MAGT1: variants seen among roughly 807,000 people sequenced by gnomAD.
MAGT1 encodes the protein magnesium transporter 1.
A neutral mutation model predicts 28.4 loss-of-function variants in MAGT1; 4 were observed. That is an observed-to-expected ratio of 0.14 (90% CI 0.07 to 0.32). MAGT1 has a LOEUF of 0.32. MAGT1 is among the 10% of genes least tolerant of loss of function. MAGT1 has a pLI of 1.00. For missense variants in MAGT1, 193 were observed against 264.5 expected, an observed-to-expected ratio of 0.73 and a Z score of 1.88; for synonymous variants, 89 against 89.7, an observed-to-expected ratio of 0.99 and a Z score of 0.04.
chrX:77,866,158 A>G (rs1232473937), intron 3 of MAGT1, among the ~76,000 whole-genome samples: 1 of 65,485 alleles, frequency 1.5e-5, no homozygotes, highest in Non-Finnish European at 4.1e-5. Context: ...CAATTAAAAA[A>G]AAAAAAAGAG....
In MAGT1 at chrX:77,826,167, G is replaced by A. The variant is rs1557212900; in HGVS notation, c.*3053C>T. Among the ~76,000 whole-genome samples, 2 of 111,597 alleles carry A rather than the reference G, an allele frequency of 1.8e-5. No individual in the cohort carries two copies. Among genetic ancestry groups the A allele is most frequent in the Non-Finnish European group, 3.8e-5 (2 of 53,059 alleles). The stretch of plus-strand genomic sequence containing the variant: ...AATGGGTAACAACATTAAGAATGAG[G>A]GACCATGTATAGATTCCTAGAATAA... On this transcript the variant is annotated 3_prime_UTR_variant, in exon 10 of 10. Coordinates refer to ENST00000618282, the MANE Select transcript of MAGT1 (RefSeq NM_001367916.1).
intron 7 of MAGT1, among the ~76,000 whole-genome samples, chrX:77,845,961 C>T (rs1482900929): frequency 9.1e-6 from 1 of 110,328 alleles, no homozygotes; most frequent in Non-Finnish European, 1.9e-5. Flanking sequence ...CTCTGTATCT[C>T]CTGAATTTGA....
At chrX:77,839,217 TG>T (rs1428945972) in intron 8 of MAGT1, among the ~76,000 whole-genome samples, 1 of 106,163 alleles carries the variant, frequency 9.4e-6, no homozygotes, top group African/African-American at 3.4e-5. Context: ...GGCAGGAGAA[TG>T]GGGTGAACCT....
At chrX:77,884,496 CT>C (rs2077061808) in intron 1 of MAGT1, among the ~76,000 whole-genome samples, 1 of 111,076 alleles carries the variant, frequency 9.0e-6, no homozygotes, top group Non-Finnish European at 1.9e-5. Context: ...GGTTAAACAA[CT>C]TGCCCAAAAT....
At chrX:77,895,546 G>C (rs2077097295), upstream of MAGT1, 7 of 1,088,992 alleles carry the variant, frequency 6.4e-6, no homozygotes, top group Non-Finnish European at 8.6e-6. Flanking sequence ...CTCACATTAC[G>C]TCACAGCGCG....
intron 1 of MAGT1, among the ~76,000 whole-genome samples, chrX:77,892,388 CAG>C (rs371552902): frequency 1.6e-3 from 182 of 112,015 alleles, no homozygotes; most frequent in African/African-American, 5.6e-3. Context: ...AAACCATTCT[CAG>C]AGAGGGAAGG....
At chrX:77,892,811 T>A (rs1178103794) in intron 1 of MAGT1, among the ~76,000 whole-genome samples, 4 of 111,247 alleles carry the variant, frequency 3.6e-5, no homozygotes, top group East Asian at 5.6e-4. Context: ...AAAATTTTTT[T>A]AAATATATAT....
intron 1 of MAGT1, among the ~76,000 whole-genome samples, chrX:77,895,041 A>G (rs2077094536): frequency 9.0e-6 from 1 of 111,152 alleles, no homozygotes; most frequent in Admixed American, 9.6e-5. Flanking sequence ...GCCCACACTC[A>G]AAAGTGTCAA....
chrX:77,847,922 C>T (rs1261568764), intron 7 of MAGT1, among the ~76,000 whole-genome samples: 1 of 111,420 alleles, frequency 9.0e-6, no homozygotes, highest in East Asian at 2.8e-4. Flanking sequence ...AAAGATTGAT[C>T]ATTTCTACAG....
chrX:77,847,194 C>T (rs2076954179), intron 7 of MAGT1, among the ~76,000 whole-genome samples: 1 of 112,407 alleles, frequency 8.9e-6, no homozygotes. Context: ...GCTGTGCTAG[C>T]AATGAGCGAG....
At chrX:77,832,098 A>G (rs2076900219) in intron 8 of MAGT1, among the ~76,000 whole-genome samples, 1 of 111,990 alleles carries the variant, frequency 8.9e-6, no homozygotes, top group South Asian at 3.7e-4. Context: ...CTAGCCCTAG[A>G]TTCATAGCTC....
rs1316102096 is a variant in MAGT1, at chrX:77,891,166, C to A, written c.102+4143G>T. On this transcript the variant is annotated intron_variant, in intron 1 of 9. Coordinates refer to ENST00000618282, the MANE Select transcript of MAGT1 (RefSeq NM_001367916.1). ...GAAAGGATTCACCATAAAATAAAAC[C>A]AGTCGCTGCAAAAACAAGCCTTTGT... Among the ~76,000 whole-genome samples, 7 of 110,916 alleles carry A rather than the reference C, an allele frequency of 6.3e-5. No individual in the cohort carries two copies. The Admixed American group carries it at 6.8e-4, about 11-fold the overall frequency.
chrX:77,844,322 A>G lies in MAGT1; in HGVS notation c.827-3002T>C, dbSNP rs1324321469. ...CCCTTTATCATTTTTTATTGCATCT[A>G]TTTGATTCTTCTCTCTTTTCTTCTT... On this transcript the variant is annotated intron_variant, in intron 7 of 9. Coordinates refer to ENST00000618282, the MANE Select transcript of MAGT1 (RefSeq NM_001367916.1). Among the ~76,000 whole-genome samples, 3 of 111,154 alleles carry G rather than the reference A, an allele frequency of 2.7e-5. No individual in the cohort carries two copies. In the East Asian group the frequency reaches 8.5e-4, roughly 31 times the overall value.
At position 77,834,256 on chromosome X, in the gene MAGT1, A is replaced by ATG. The variant is rs1557213663; in HGVS notation, c.902-3363_902-3362dup. On this transcript the variant is annotated intron_variant, in intron 8 of 9. Transcript: ENST00000618282. ...TATGTATATATATGCATATATATAC[A>ATG]TGTGTGTATATATGCATATATGTAT... is the stretch of plus-strand genomic sequence containing the variant. 8.8e-4 allele frequency among the ~76,000 whole-genome samples: 51 copies of ATG among 57,870 alleles called. 2 individuals are homozygous for ATG. Among genetic ancestry groups the ATG allele is most frequent in the Non-Finnish European group, 1.9e-3 (44 of 22,978 alleles). The allele number at this position is 57,870 out of a possible 115,157, so 50.3% of individuals were successfully genotyped here.
At chrX:77,869,992 A>G (rs1051074815) in intron 3 of MAGT1, among the ~76,000 whole-genome samples, 14 of 112,358 alleles carry the variant, frequency 1.2e-4, no homozygotes, top group Admixed American at 9.5e-5. Flanking sequence ...AAGATATGGA[A>G]CCAACCTAAG....
intron 1 of MAGT1, among the ~76,000 whole-genome samples, chrX:77,884,715 C>T (rs1434164833): frequency 1.8e-5 from 2 of 108,228 alleles, no homozygotes; most frequent in Admixed American, 2.0e-4. Flanking sequence ...GCTGCAACAA[C>T]CAAAAATATC....
At chrX:77,864,372 C>T (rs782720465) in intron 3 of MAGT1, among the ~76,000 whole-genome samples, 13 of 110,200 alleles carry the variant, frequency 1.2e-4, no homozygotes, top group African/African-American at 4.0e-4. Flanking sequence ...AGCAGAGTAG[C>T]GTGACTATAA....
intron 3 of MAGT1, among the ~76,000 whole-genome samples, chrX:77,861,071 C>A (rs2076993570): frequency 9.2e-6 from 1 of 108,804 alleles, no homozygotes. Flanking sequence ...CCCAGCTACT[C>A]GGGAGGCTGA....
intron 7 of MAGT1, among the ~76,000 whole-genome samples, chrX:77,846,989 G>A (rs1206082514): frequency 3.6e-5 from 4 of 111,948 alleles, no homozygotes; most frequent in African/African-American, 1.3e-4. Context: ...AGTCTGCAGA[G>A]GTTTCTGCTG....
Sources: allele counts gnomAD v4.1 joint callset (sites outside exome capture counted in the v4.1 genomes callset), GRCh38; gene constraint gnomAD v4.1.1; transcripts MANE v1.5; gene names NCBI Gene and HGNC (gene_info 2026-07-23, HGNC 2026-07-21).